The following KIAA0825 variants were observed in gnomAD, a reference collection of about 807,000 sequenced individuals.
KIAA0825 encodes the protein KIAA0825.
A neutral mutation model predicts 147.6 loss-of-function variants in KIAA0825; 119 were observed. The observed-to-expected ratio is 0.81, with a 90% CI of 0.69 to 0.94. KIAA0825 has a LOEUF of 0.94. Among genes scored for constraint, KIAA0825 ranks in the 40% least tolerant of loss-of-function variants. The pLI is 0.00. For synonymous variants in KIAA0825, 470 were observed against 518.1 expected (o/e 0.91, Z 1.26); for missense variants, 1,381 against 1,472.7 (o/e 0.94, Z 1.02).
chr5:94,335,806 A>G (rs1457644755), intron 20 of KIAA0825, among the ~76,000 whole-genome samples: 1 of 152,162 alleles, frequency 6.6e-6, no homozygotes, highest in Non-Finnish European at 1.5e-5. Flanking sequence ...ATAACTAAGA[A>G]TTTTTATCAG....
intron 20 of KIAA0825, among the ~76,000 whole-genome samples, chr5:94,356,054 A>G (rs955321512): frequency 3.9e-5 from 6 of 152,180 alleles, no homozygotes; most frequent in African/African-American, 1.4e-4. Context: ...CTGCCTTTCC[A>G]ATGGAAGAAG....
At chr5:94,159,472 C>G (rs1159054765) in intron 20 of KIAA0825, among the ~76,000 whole-genome samples, 1 of 152,152 alleles carries the variant, frequency 6.6e-6, no homozygotes, top group Non-Finnish European at 1.5e-5. Context: ...TTCCTCAGAG[C>G]TCCTACCTTG....
intron 20 of KIAA0825, among the ~76,000 whole-genome samples, chr5:94,207,200 C>A (rs374938249): frequency 6.6e-6 from 1 of 152,120 alleles, no homozygotes; most frequent in Admixed American, 6.5e-5. Context: ...TTACAATCAT[C>A]AACTGAGTTA....
rs556621881 is a variant in KIAA0825, at chr5:94,393,976, AG to A, written c.3296+2124del. Among the ~76,000 whole-genome samples, 24 of 151,428 alleles carry A rather than the reference AG, an allele frequency of 1.6e-4. No individual in the cohort carries two copies. The South Asian group carries it at 2.3e-3, about 14-fold the overall frequency. ...CGATTCTCCTGTCTCAGCCTCCCTC[AG>A]CTGGGATTACAGGTGCCTACCACCA... On this transcript the variant is annotated intron_variant, in intron 17 of 20. Transcript: ENST00000682413.
At chr5:94,529,223 G>A (rs1419347702) in intron 3 of KIAA0825, among the ~76,000 whole-genome samples, 2 of 127,422 alleles carry the variant, frequency 1.6e-5, no homozygotes, top group East Asian at 2.0e-4. Context: ...ATATATGTAT[G>A]TATCATATAT....
intron 15 of KIAA0825, among the ~76,000 whole-genome samples, chr5:94,405,590 A>T (rs1331609739): frequency 6.6e-6 from 1 of 152,220 alleles, no homozygotes; most frequent in Non-Finnish European, 1.5e-5. Flanking sequence ...TTAGAAAATT[A>T]GTTTCTTTGA....
At chr5:94,517,442 A>G (rs935350887) in intron 5 of KIAA0825, among the ~76,000 whole-genome samples, 2 of 152,124 alleles carry the variant, frequency 1.3e-5, no homozygotes. Flanking sequence ...ATGATAGATG[A>G]ATGATGGAAA....
intron 2 of KIAA0825, among the ~76,000 whole-genome samples, chr5:94,556,246 G>T (rs1184012634): frequency 6.6e-6 from 1 of 151,806 alleles, no homozygotes; most frequent in Non-Finnish European, 1.5e-5. Flanking sequence ...GTTTGGTTTG[G>T]TTTTTTGTAT....
intron 18 of KIAA0825, 137 bp downstream of exon 18, chr5:94,391,398 C>T (rs1749872382): frequency 1.3e-6 from 1 of 776,218 alleles, no homozygotes; most frequent in Non-Finnish European, 2.1e-6. Flanking sequence ...TGAATAGATT[C>T]TATTAATAAT....
chr5:94,307,316 C>A (rs564840805), intron 20 of KIAA0825, among the ~76,000 whole-genome samples: 2 of 151,800 alleles, frequency 1.3e-5, no homozygotes, highest in South Asian at 4.1e-4. Flanking sequence ...TCTACTTTTC[C>A]CCTCACTTTA....
chr5:94,462,434 C>G lies in KIAA0825; in HGVS notation c.2199G>C (p.Leu733=), dbSNP rs906482196. The change falls in exon 12 of 21, where the codon CTG becomes CTC. Residue 733 remains leucine (L), a synonymous_variant. Coordinates refer to ENST00000682413, the MANE Select transcript of KIAA0825 (RefSeq NM_001145678.3). ...AAGTCAAAATGACTAATGTTGTAAA[C>G]AGATTATTACAATGAGTGTGAATTT... The part of the protein sequence containing the change: ...IFKIHTHCNN[L]FTTLVILTSP... 42 of 1,488,182 alleles carry G rather than the reference C, an allele frequency of 2.8e-5. No homozygotes were observed. Among genetic ancestry groups the G allele is most frequent in the Non-Finnish European group, 3.5e-5 (38 of 1,094,864 alleles). 92.2% of individuals were successfully genotyped at this position (1,488,182 alleles called of 1,614,324 possible).
At chr5:94,542,155 A>G (rs943653722) in intron 2 of KIAA0825, among the ~76,000 whole-genome samples, 2 of 152,176 alleles carry the variant, frequency 1.3e-5, no homozygotes, top group Non-Finnish European at 2.9e-5. Context: ...AGGTTTTCTG[A>G]TAACTTTGGA....
intron 20 of KIAA0825, among the ~76,000 whole-genome samples, chr5:94,296,600 C>T (rs1302414803): frequency 1.3e-5 from 2 of 152,144 alleles, no homozygotes; most frequent in Non-Finnish European, 2.9e-5. Flanking sequence ...GTATCTGGGC[C>T]GGAGTGCACC....
intron 20 of KIAA0825, among the ~76,000 whole-genome samples, chr5:94,217,075 A>AT (rs1296293274): frequency 9.9e-5 from 15 of 152,134 alleles, no homozygotes; most frequent in Admixed American, 7.9e-4. Context: ...ATTTCAAAGG[A>AT]TTTTTTTCTC....
intron 5 of KIAA0825, among the ~76,000 whole-genome samples, chr5:94,504,211 A>G (rs1030906193): frequency 6.6e-6 from 1 of 152,224 alleles, no homozygotes; most frequent in African/African-American, 2.4e-5. Context: ...GGAGTTTTGT[A>G]TAAGAATAAA....
At chr5:94,590,215 G>A (rs1419341379) in intron 1 of KIAA0825, among the ~76,000 whole-genome samples, 2 of 151,992 alleles carry the variant, frequency 1.3e-5, no homozygotes, top group South Asian at 2.1e-4. Flanking sequence ...GGCTGGTCTC[G>A]AACTCCCAAC....
chr5:94,606,332 A>G (rs1787485771), intron 1 of KIAA0825, among the ~76,000 whole-genome samples: 1 of 152,252 alleles, frequency 6.6e-6, no homozygotes. Context: ...TACATTGCCC[A>G]AAGTAATTTA....
chr5:94,492,041 A>C (rs1221290559), intron 5 of KIAA0825, among the ~76,000 whole-genome samples: 1 of 152,192 alleles, frequency 6.6e-6, no homozygotes, highest in African/African-American at 2.4e-5. Context: ...AATGTAAATG[A>C]ATCTGATTTT....
At chr5:94,387,460 G>A (rs972799178) in intron 18 of KIAA0825, among the ~76,000 whole-genome samples, 5 of 152,126 alleles carry the variant, frequency 3.3e-5, no homozygotes, top group African/African-American at 4.8e-5. Context: ...TTGGGAGACC[G>A]AGGTGGGCAG....
Sources: allele counts gnomAD v4.1 joint callset (sites outside exome capture counted in the v4.1 genomes callset), GRCh38; gene constraint gnomAD v4.1.1; transcripts MANE v1.5; gene names NCBI Gene and HGNC (gene_info 2026-07-23, HGNC 2026-07-21).